ABCD3: variants seen among roughly 807,000 people sequenced by gnomAD.
ABCD3 encodes the protein ATP-binding cassette sub-family D member 3.
In ABCD3, 41 loss-of-function variants were observed where a neutral mutation model predicts 105.5. The ratio of observed to expected loss-of-function variants is 0.39; its 90% CI spans 0.30 to 0.50. The LOEUF is 0.50. Among genes scored for constraint, ABCD3 ranks in the 20% least tolerant of loss-of-function variants. The pLI, the probability that ABCD3 is intolerant of heterozygous loss-of-function variation, is 0.84. For synonymous variants in ABCD3, 258 were observed against 269.0 expected, an observed-to-expected ratio of 0.96 and a Z score of 0.40; for missense variants, 622 against 806.3, an observed-to-expected ratio of 0.77 and a Z score of 2.77.
chr1:94,483,718 A>G (rs1294313493), intron 10 of ABCD3, among the ~76,000 whole-genome samples: 4 of 152,168 alleles, frequency 2.6e-5, no homozygotes, highest in African/African-American at 9.6e-5. Context: ...AATACCATTC[A>G]GGACATAGGC....
intron 10 of ABCD3, among the ~76,000 whole-genome samples, chr1:94,487,305 A>G (rs949351935): frequency 6.6e-6 from 1 of 152,186 alleles, no homozygotes; most frequent in Non-Finnish European, 1.5e-5. Context: ...TTGTTTATGT[A>G]ATTTCCATGC....
At chr1:94,458,316 T>C (rs1365628129) in intron 1 of ABCD3, among the ~76,000 whole-genome samples, 1 of 152,208 alleles carries the variant, frequency 6.6e-6, no homozygotes, top group African/African-American at 2.4e-5. Context: ...GATGAAGAAG[T>C]AGACTTGCAT....
At chr1:94,424,038 C>T (rs572040478) in intron 1 of ABCD3, among the ~76,000 whole-genome samples, 1 of 152,092 alleles carries the variant, frequency 6.6e-6, no homozygotes, top group South Asian at 2.1e-4. Context: ...GTTATATGGC[C>T]CCGTTTGGAT....
chr1:94,499,696 T>G, intron 20 of ABCD3, 82 bp downstream of exon 20: 1 of 1,551,856 alleles, frequency 6.4e-7, no homozygotes, highest in Non-Finnish European at 8.9e-7. Flanking sequence ...TTTCATCTTA[T>G]ATTTTTTTAT....
chr1:94,418,598 C>T lies in ABCD3; in HGVS notation c.110+10C>T. ...CCCTCGGCCTGCACGGGTAAGAAGGCCCGTAGCCGTGCAGCTTTCCCGGGC... is the reference window on the plus strand; with the variant it reads ...CCCTCGGCCTGCACGGGTAAGAAGGTCCGTAGCCGTGCAGCTTTCCCGGGC... On this transcript the variant is annotated intron_variant, in intron 1 of 22. Coordinates refer to ENST00000370214, the MANE Select transcript of ABCD3 (RefSeq NM_002858.4). The T allele has an allele frequency of 6.3e-7, 1 of 1,587,084 alleles. No homozygotes were observed. The highest frequency in any genetic ancestry group is 8.5e-7 in the Non-Finnish European group (1 of 1,172,668).
intron 16 of ABCD3, among the ~76,000 whole-genome samples, chr1:94,492,239 G>A (rs1320692836): frequency 6.6e-6 from 1 of 152,014 alleles, no homozygotes. Flanking sequence ...GTTTCATGTG[G>A]GGATTTTTTT....
the ABCD3 span, among the ~76,000 whole-genome samples, chr1:94,386,106 GA>G: frequency 1.3e-5 from 2 of 151,728 alleles, no homozygotes; most frequent in African/African-American, 2.4e-5. Context: ...AAGTTTCAAA[GA>G]AAAAAAGAAA....
chr1:94,406,421 T>G, the ABCD3 span: 2 of 377,462 alleles, frequency 5.3e-6, no homozygotes, highest in Admixed American at 5.4e-5. Flanking sequence ...AGGGAATAGG[T>G]TACAGCAGCT....
At chr1:94,506,877 T>C (rs566638105) in intron 21 of ABCD3, among the ~76,000 whole-genome samples, 2 of 152,054 alleles carry the variant, frequency 1.3e-5, no homozygotes, top group South Asian at 4.1e-4. Flanking sequence ...TTGTTTTATA[T>C]AAGTGAGATA....
At chr1:94,496,694 GTTTTTTTTTTTTTTTTTT>G (rs71094302) in intron 16 of ABCD3, among the ~76,000 whole-genome samples, 6 of 39,370 alleles carry the variant, frequency 1.5e-4, no homozygotes, top group African/African-American at 5.5e-4. Flanking sequence ...CCTTGTTTCT[GTTTTTTTTTTTTTTTTTT>G]TTTTTTTTTT....
At chr1:94,460,467 A>C (rs1270380866) in intron 2 of ABCD3, among the ~76,000 whole-genome samples, 1 of 152,148 alleles carries the variant, frequency 6.6e-6, no homozygotes, top group Non-Finnish European at 1.5e-5. Flanking sequence ...AGACCACAAT[A>C]ATTTTATAAG....
intron 1 of ABCD3, among the ~76,000 whole-genome samples, chr1:94,430,815 GT>G (rs1490054675): frequency 1.3e-5 from 2 of 152,082 alleles, no homozygotes; most frequent in Non-Finnish European, 2.9e-5. Flanking sequence ...TAAAAAAGCT[GT>G]TTTAAAATTA....
the ABCD3 span, among the ~76,000 whole-genome samples, chr1:94,398,863 G>A: frequency 6.6e-6 from 1 of 152,208 alleles, no homozygotes; most frequent in East Asian, 1.9e-4. Context: ...GCAGTGAGCC[G>A]AGATCATGCC....
the ABCD3 span, among the ~76,000 whole-genome samples, chr1:94,398,011 T>C: frequency 6.6e-5 from 10 of 152,336 alleles, no homozygotes; most frequent in Admixed American, 2.0e-4. Context: ...TTTGGAATGC[T>C]GGAATTTTTC....
intron 1 of ABCD3, among the ~76,000 whole-genome samples, chr1:94,451,651 G>A (rs1647265459): frequency 6.6e-6 from 1 of 152,118 alleles, no homozygotes; most frequent in Admixed American, 6.5e-5. Flanking sequence ...TTAAAAAATT[G>A]TCTTCTGAAC....
chr1:94,496,661 T>C (rs895300672), intron 16 of ABCD3, among the ~76,000 whole-genome samples: 1 of 149,828 alleles, frequency 6.7e-6, no homozygotes, highest in African/African-American at 2.4e-5. Context: ...TCTTCTTTCC[T>C]GTTCATTCTT....
the ABCD3 span, among the ~76,000 whole-genome samples, chr1:94,385,357 T>C: frequency 6.6e-6 from 1 of 152,036 alleles, no homozygotes. Context: ...TTTTACAACA[T>C]GTGAGGAGAC....
chr1:94,403,833 T>C, the ABCD3 span, among the ~76,000 whole-genome samples: 1 of 152,180 alleles, frequency 6.6e-6, no homozygotes, highest in Non-Finnish European at 1.5e-5. Context: ...GCTCCATCCC[T>C]GGAATTAGCC....
intron 8 of ABCD3, among the ~76,000 whole-genome samples, chr1:94,479,943 T>C (rs1253269417): frequency 1.3e-5 from 2 of 152,014 alleles, no homozygotes; most frequent in African/African-American, 4.8e-5. Flanking sequence ...ACAGAGCTCG[T>C]TCAGGGGGAG....
Sources: allele counts gnomAD v4.1 joint callset (sites outside exome capture counted in the v4.1 genomes callset), GRCh38; gene constraint gnomAD v4.1.1; transcripts MANE v1.5; gene names NCBI Gene and HGNC (gene_info 2026-07-23, HGNC 2026-07-21).